Variants in FBXO43 observed in about 807,000 individuals in gnomAD.
FBXO43 encodes F-box protein 43.
A neutral mutation model predicts 56.7 loss-of-function variants in FBXO43; 22 were observed. That is an observed-to-expected ratio of 0.39 (90% confidence interval 0.28 to 0.55). The LOEUF (loss-of-function observed/expected upper bound fraction) is 0.55. Ranked by LOEUF, FBXO43 falls within the 20% of genes least tolerant of loss-of-function variation. The pLI is 0.66. For missense variants in FBXO43, 733 were observed against 814.9 expected (o/e 0.90, Z 1.22); for synonymous variants, 306 against 294.5 (o/e 1.04, Z -0.40).
Position 100,134,329 on chromosome 8 carries a change from C to G in FBXO43, c.1710G>C (p.Arg570=), listed in dbSNP as rs1026612844. 2 of 1,613,754 alleles carry G rather than the reference C, an allele frequency of 1.2e-6. No homozygotes were observed. The highest frequency in any genetic ancestry group is 3.3e-5 in the Admixed American group (2 of 59,998). Residue 570 remains arginine (R), a synonymous_variant, in exon 4 of 5, where the codon CGG becomes CGC. Transcript: ENST00000428847. ...AVLNVEDAAT[R]LQLLNRSALR... The stretch of plus-strand genomic sequence containing the variant: ...AAGCTGAGCGATTTAAAAGCTGGAG[C>G]CGAGTGGCAGCATCCTCGACATTTA...
rs1814798719 is a variant in FBXO43 at position 100,145,365 on chromosome 8, C to T, written c.-230G>A. 2.6e-6 allele frequency: 1 copy of T among 388,172 alleles called. No individual in the cohort carries two copies. Among genetic ancestry groups the T allele is most frequent in the African/African-American group, 2.1e-5 (1 of 48,138 alleles). The allele number at this position is 388,172 out of a possible 1,614,324, so 24.0% of individuals were successfully genotyped here. ...CTGGACTTAGACATGAGTAAACTTC[C>T]CAAATTCGGGTTCCTGAAAAGGCAG... On this transcript the variant is annotated 5_prime_UTR_variant, in exon 1 of 5. Transcript: ENST00000428847.
At chr8:100,134,570 A>G (rs969602552) in intron 3 of FBXO43, among the ~76,000 whole-genome samples, 1 of 152,178 alleles carries the variant, frequency 6.6e-6, no homozygotes, top group Non-Finnish European at 1.5e-5. Flanking sequence ...TAAATATAAA[A>G]AGAAAAAAAT....
At chr8:100,134,763 G>A (rs1814419461) in intron 3 of FBXO43, among the ~76,000 whole-genome samples, 1 of 152,076 alleles carries the variant, frequency 6.6e-6, no homozygotes, top group African/African-American at 2.4e-5. Flanking sequence ...TAGACAAGAA[G>A]TAAACAAAAG....
chr8:100,149,765 GGAGA>G (rs1814885998), upstream of FBXO43, among the ~76,000 whole-genome samples: 1 of 152,056 alleles, frequency 6.6e-6, no homozygotes, highest in Non-Finnish European at 1.5e-5. Flanking sequence ...GTGCGTGTTG[GGAGA>G]AAGAACGCCT....
At chr8:100,137,694 T>C (rs191178465) in intron 2 of FBXO43, 27 bp from the exon 3 acceptor site, 14 of 1,504,756 alleles carry the variant, frequency 9.3e-6, no homozygotes, top group Admixed American at 8.7e-5. Context: ...CATCCTTATA[T>C]TGCATACATT....
intron 1 of FBXO43, among the ~76,000 whole-genome samples, chr8:100,143,545 T>A (rs1814722314): frequency 6.6e-6 from 1 of 152,246 alleles, no homozygotes; most frequent in African/African-American, 2.4e-5. Flanking sequence ...TCCTCTCAGA[T>A]CACTGCTAAC....
rs1171227939 is a variant in FBXO43, at chr8:100,141,395, C to T, written c.859G>A (p.Val287Ile). Residue 287 changes from valine to isoleucine, a missense_variant, in exon 2 of 5, where the codon GTT becomes ATT. Transcript: ENST00000428847. ...TCTGTTCCACAAGTTGTTCCACTAA[C>T]AGAGGAGCCCAGGAGCTCTGGACAT... is the stretch of plus-strand genomic sequence containing the variant. ...NACPELLGSSVSGTTCGTDED... is the reference protein window; with the variant it reads ...NACPELLGSSISGTTCGTDED... 2 of 1,613,490 alleles carry T rather than the reference C, an allele frequency of 1.2e-6. No individual in the cohort carries two copies. Among genetic ancestry groups the T allele is most frequent in the Non-Finnish European group, 1.7e-6 (2 of 1,179,998 alleles).
Position 100,133,775 on chromosome 8 carries a change from C to A in FBXO43, c.*27G>T, listed in dbSNP as rs368750928. ...TTTAAGTCAGATAAATAGAACACTG[C>A]ATGGGGGAGTTCTATATTTAGTCTC... On this transcript the variant is annotated 3_prime_UTR_variant, in exon 5 of 5. Transcript: ENST00000428847. 3.8e-6 allele frequency: 6 copies of A among 1,599,872 alleles called. No homozygotes were observed. Among genetic ancestry groups the A allele is most frequent in the Admixed American group, 1.7e-5 (1 of 57,312 alleles).
chr8:100,138,362 G>A (rs3133667), intron 2 of FBXO43, among the ~76,000 whole-genome samples: 8,348 of 152,114 alleles, frequency 0.055, 689 homozygotes, highest in African/African-American at 0.17. Context: ...CACTTCTTAC[G>A]GAGGGTCCCA....
chr8:100,146,663 T>C (rs1439157570), upstream of FBXO43, among the ~76,000 whole-genome samples: 1 of 152,216 alleles, frequency 6.6e-6, no homozygotes, highest in Non-Finnish European at 1.5e-5. Context: ...CTGGCTTCTT[T>C]TCCTTGGCCT....
intron 1 of FBXO43, among the ~76,000 whole-genome samples, chr8:100,143,453 A>G (rs1814719612): frequency 6.6e-6 from 1 of 152,260 alleles, no homozygotes; most frequent in South Asian, 2.1e-4. Flanking sequence ...TATTTTTACT[A>G]AACAAAGTCT....
At chr8:100,149,751 C>T (rs1814885816), upstream of FBXO43, among the ~76,000 whole-genome samples, 1 of 152,186 alleles carries the variant, frequency 6.6e-6, no homozygotes, top group Admixed American at 6.5e-5. Flanking sequence ...AAATATCAGA[C>T]ATAGTGCGTG....
At position 100,140,803 on chromosome 8, in the gene FBXO43, C is replaced by T; in HGVS notation, c.1451G>A (p.Gly484Glu). 1.9e-6 allele frequency: 3 copies of T among 1,614,168 alleles called. No individual in the cohort carries two copies. The highest frequency in any genetic ancestry group is 1.7e-6 in the Non-Finnish European group (2 of 1,179,992). Residue 484 changes from glycine (G) to glutamate (E), a missense_variant, in exon 2 of 5, where the codon GGA (glycine) becomes GAA (glutamate). Transcript: ENST00000428847. ...TATACCCATTTTCTTGCCGATCAGT[C>T]CTGCAAGTATACACTGCAGTACAGC... ...KIAVLQCILA[G>E]LIGKKMGIEK... is the part of the protein sequence containing the mutation.
In FBXO43 at chr8:100,140,890, C is replaced by G. The variant is rs1399805234; in HGVS notation, c.1364G>C (p.Arg455Thr). 6.2e-7 allele frequency: 1 copy of G among 1,614,130 alleles called. No individual in the cohort carries two copies. ...TCCACTATTTTCCTGTAATCTTTTC[C>G]TCTTGCTTTTCATGAACAGCTCATG... ...LVHELFMKSK[R>T]KRLQENSGHE... The change falls in exon 2 of 5, where the codon AGG becomes ACG. Residue 455 changes from arginine to threonine, a missense_variant. Transcript: ENST00000428847.
Position 100,145,769 on chromosome 8 carries a change from C to G in FBXO43, c.-634G>C, listed in dbSNP as rs1311094840. ...CCCCCTGGGATGCGGGCTATGGCAACCCCCACGCCAGCTTCGCGTGGGGCC... is the reference window on the plus strand; with the variant it reads ...CCCCCTGGGATGCGGGCTATGGCAAGCCCCACGCCAGCTTCGCGTGGGGCC... On this transcript the variant is annotated 5_prime_UTR_variant, in exon 1 of 5. Coordinates refer to ENST00000428847, the MANE Select transcript of FBXO43 (RefSeq NM_001029860.4). 6.6e-6 allele frequency: 1 copy of G among 152,410 alleles called. No individual in the cohort carries two copies. Among genetic ancestry groups the G allele is most frequent in the African/African-American group, 2.4e-5 (1 of 41,464 alleles). The allele number at this position is 152,410 out of a possible 1,614,324, so 9.4% of individuals were successfully genotyped here.
Position 100,135,438 on chromosome 8 carries a change from T to C in FBXO43, c.1675-1074A>G, listed in dbSNP as rs562316351. On this transcript the variant is annotated intron_variant, in intron 3 of 4. Transcript: ENST00000428847. ...AAGAATCAAGAGTATGAAGGCATAATGGTATATTTTGTTAGGATAGTCCAG... is the reference window on the plus strand; with the variant it reads ...AAGAATCAAGAGTATGAAGGCATAACGGTATATTTTGTTAGGATAGTCCAG... 1.7e-3 allele frequency among the ~76,000 whole-genome samples: 261 copies of C among 152,260 alleles called. 2 individuals carry two copies. The highest frequency in any genetic ancestry group is 5.8e-3 in the African/African-American group (243 of 41,544).
At chr8:100,143,731 T>G (rs1454260039) in intron 1 of FBXO43, among the ~76,000 whole-genome samples, 1 of 152,244 alleles carries the variant, frequency 6.6e-6, no homozygotes, top group Non-Finnish European at 1.5e-5. Flanking sequence ...AATAACACTT[T>G]TCACTCAATT....
In FBXO43 at chr8:100,141,032, C is replaced by G; in HGVS notation, c.1222G>C (p.Glu408Gln). The G allele has an allele frequency of 6.2e-7, 1 of 1,614,198 alleles. No individual in the cohort carries two copies. Among genetic ancestry groups the G allele is most frequent in the Non-Finnish European group, 8.5e-7 (1 of 1,180,028 alleles). Reference protein sequence around the residue: ...EEKQIVHPDSEKRAAAASAIS... With the variant: ...EEKQIVHPDSQKRAAAASAIS... ...GCAGAAGCAGCTGCTGCTCTTTTTT[C>G]AGAGTCAGGGTGGACAATCTGCTTT... Residue 408 changes from glutamate to glutamine, a missense_variant, in exon 2 of 5, where the codon GAA becomes CAA. Physicochemically the swap from Glu to Gln is conservative, Grantham distance 29. Transcript: ENST00000428847.
At chr8:100,144,347 TA>T (rs903737919) in intron 1 of FBXO43, among the ~76,000 whole-genome samples, 8 of 149,032 alleles carry the variant, frequency 5.4e-5, no homozygotes, top group Middle Eastern at 3.5e-3. Flanking sequence ...CCCCATCTCT[TA>T]AAAAAAAAAT....
Sources: allele counts gnomAD v4.1 joint callset (sites outside exome capture counted in the v4.1 genomes callset), GRCh38; gene constraint gnomAD v4.1.1; transcripts MANE v1.5; gene names NCBI Gene and HGNC (gene_info 2026-07-23, HGNC 2026-07-21).